The following MTA3 variants were observed in gnomAD, a reference collection of about 807,000 sequenced individuals.
MTA3 encodes metastasis-associated protein MTA3.
In MTA3, 34 loss-of-function variants were observed where a neutral mutation model predicts 83.5. The observed-to-expected ratio is 0.41, with a 90% CI of 0.31 to 0.54. The LOEUF (loss-of-function observed/expected upper bound fraction) is 0.54. Ranked by LOEUF, MTA3 falls within the 20% of genes least tolerant of loss-of-function variation. MTA3 has a pLI of 0.33. For missense variants in MTA3, 761 were observed against 726.4 expected, an observed-to-expected ratio of 1.05 and a Z score of -0.55; for synonymous variants, 303 against 252.7, an observed-to-expected ratio of 1.20 and a Z score of -1.89.
At chr2:42,544,366 A>C (rs1341482141) in intron 2 of MTA3, among the ~76,000 whole-genome samples, 1 of 151,858 alleles carries the variant, frequency 6.6e-6, no homozygotes, top group Non-Finnish European at 1.5e-5. Flanking sequence ...GAATCGCTCG[A>C]ACCCAGGAGG....
intron 2 of MTA3, among the ~76,000 whole-genome samples, chr2:42,545,501 A>C (rs1676721892): frequency 6.6e-6 from 1 of 152,150 alleles, no homozygotes; most frequent in South Asian, 2.1e-4. Context: ...GAGGGATGGA[A>C]GGGAGAGTGG....
At chr2:42,606,560 A>C in intron 3 of MTA3, among the ~76,000 whole-genome samples, 1 of 102,294 alleles carries the variant, frequency 9.8e-6, no homozygotes, top group East Asian at 3.2e-4. Context: ...CCTAGATGGG[A>C]TGGCGGCCGG....
At chr2:42,590,367 C>T (rs1197963902) in intron 3 of MTA3, among the ~76,000 whole-genome samples, 1 of 152,116 alleles carries the variant, frequency 6.6e-6, no homozygotes. Flanking sequence ...AAAGAACCAG[C>T]ACACCTCCAA....
intron 2 of MTA3, among the ~76,000 whole-genome samples, chr2:42,536,848 G>A (rs1420499820): frequency 1.1e-5 from 1 of 88,800 alleles, no homozygotes; most frequent in African/African-American, 5.3e-5. Context: ...AACAGAGTGA[G>A]ACCCCATCTC....
At chr2:42,653,497 A>G (rs747824169) in intron 6 of MTA3, among the ~76,000 whole-genome samples, 4 of 152,204 alleles carry the variant, frequency 2.6e-5, no homozygotes, top group Non-Finnish European at 4.4e-5. Context: ...GAAGTGATCA[A>G]ACTGATATGA....
At chr2:42,722,537 C>A (rs1171028991) in intron 15 of MTA3, among the ~76,000 whole-genome samples, 1 of 152,182 alleles carries the variant, frequency 6.6e-6, no homozygotes, top group African/African-American at 2.4e-5. Context: ...CCCAAGGCTA[C>A]CTCTCCAGAT....
intron 4 of MTA3, among the ~76,000 whole-genome samples, chr2:42,612,055 G>T (rs1216996458): frequency 6.6e-6 from 1 of 152,110 alleles, no homozygotes; most frequent in Non-Finnish European, 1.5e-5. Flanking sequence ...GGAAAAGACA[G>T]TTAGGCCGGG....
intron 3 of MTA3, among the ~76,000 whole-genome samples, chr2:42,594,738 T>A (rs1378062744): frequency 5.3e-5 from 2 of 37,874 alleles, no homozygotes; most frequent in Non-Finnish European, 9.9e-5. Flanking sequence ...ATTTTTTTTT[T>A]TTTTTTGAGA....
At chr2:42,607,905 T>G (rs1049924625) in intron 3 of MTA3, among the ~76,000 whole-genome samples, 12 of 152,196 alleles carry the variant, frequency 7.9e-5, no homozygotes, top group African/African-American at 2.9e-4. Flanking sequence ...GAGCCGAGAT[T>G]GTGCTACTGC....
At position 42,756,366 on chromosome 2, in the gene MTA3, TGAAACCCAGTTG is replaced by T; in HGVS notation, c.*2971_*2982del. ...GAGTCCTGCAGGTGCCTCACAGTAGTGAAACCCAGTTGGAAGCAGCTGCCCTGGGAGCCTGGG... is the reference window on the plus strand; with the variant it reads ...GAGTCCTGCAGGTGCCTCACAGTAGTGAAGCAGCTGCCCTGGGAGCCTGGG... On this transcript the variant is annotated 3_prime_UTR_variant, in exon 17 of 17. Transcript: ENST00000405094. 1.3e-6 allele frequency: 1 copy of T among 757,096 alleles called. No homozygotes were observed. The highest frequency in any genetic ancestry group is 1.6e-6 in the Non-Finnish European group (1 of 621,330). 46.9% of individuals were successfully genotyped at this position (757,096 alleles called of 1,614,324 possible). A position where few individuals can be genotyped will look rare whatever the true frequency, so the allele number is the denominator to read the frequency against.
intron 2 of MTA3, among the ~76,000 whole-genome samples, chr2:42,514,691 T>TTTTTTTTTTTTTTTTC (rs1675059787): frequency 7.8e-6 from 1 of 127,934 alleles, no homozygotes; most frequent in East Asian, 2.2e-4. Flanking sequence ...CCTTTTTTTT[T>TTTTTTTTTTTTTTTTC]TTTTTTTTTT....
intron 2 of MTA3, among the ~76,000 whole-genome samples, chr2:42,552,579 GCAC>G (rs1454314783): frequency 6.7e-6 from 1 of 149,098 alleles, no homozygotes; most frequent in East Asian, 2.0e-4. Flanking sequence ...CGCCCAGATG[GCAC>G]CACTGCACTA....
rs904303874 is a variant in MTA3 at position 42,704,202 on chromosome 2, C to A, written c.1034C>A (p.Pro345Gln). The A allele has an allele frequency of 4.3e-6, 7 of 1,613,560 alleles. No individual in the cohort carries two copies. Among genetic ancestry groups the A allele is most frequent in the African/African-American group, 1.3e-5 (1 of 74,882 alleles). ...KQVYIPTYSK[P>Q]NPNQISTSNG... ...TTTAATTTCATTGAAAGCAGCAAAC[C>A]AAATCCCAACCAAATATCCACTAGT... The change falls in exon 12 of 17, where the codon CCA (proline) becomes CAA (glutamine). Residue 345 changes from proline (P) to glutamine (Q), a missense_variant. Pro to Gln is a moderately conservative substitution (Grantham distance 76). Coordinates refer to ENST00000405094, the MANE Select transcript of MTA3 (RefSeq NM_001330442.2).
chr2:42,503,841 C>A (rs554884089), intron 2 of MTA3, among the ~76,000 whole-genome samples: 1 of 151,318 alleles, frequency 6.6e-6, no homozygotes, highest in South Asian at 2.1e-4. Flanking sequence ...AAGCCCCCAT[C>A]ATTTAAACAA....
intron 3 of MTA3, among the ~76,000 whole-genome samples, chr2:42,602,620 A>G (rs963437052): frequency 5.3e-5 from 8 of 152,290 alleles, no homozygotes; most frequent in Admixed American, 3.9e-4. Context: ...TTTGGGTAAT[A>G]TGAGGGCTAG....
In MTA3 at chr2:42,510,686, G is replaced by A. The variant is rs111820936; in HGVS notation, c.-141+15432G>A. ...AAATGTAGAGGGCTGTTGCCCTGGGGGTAGATTGACATCCCTGATATCCAA... is the reference window on the plus strand; with the variant it reads ...AAATGTAGAGGGCTGTTGCCCTGGGAGTAGATTGACATCCCTGATATCCAA... On this transcript the variant is annotated intron_variant, in intron 2 of 17. Transcript: ENST00000405592. Among the ~76,000 whole-genome samples the A allele has an allele frequency of 1.6e-3, 244 of 152,290 alleles. 2 individuals carry two copies. The highest frequency in any genetic ancestry group is 2.1e-3 in the Admixed American group (32 of 15,288).
At chr2:42,505,171 A>G (rs1674576111) in intron 2 of MTA3, among the ~76,000 whole-genome samples, 1 of 152,104 alleles carries the variant, frequency 6.6e-6, no homozygotes, top group Non-Finnish European at 1.5e-5. Flanking sequence ...AGGTGGGTGG[A>G]TCACGAGGTC....
At chr2:42,563,209 C>A (rs183283010) in intron 2 of MTA3, among the ~76,000 whole-genome samples, 1 of 152,200 alleles carries the variant, frequency 6.6e-6, no homozygotes, top group Non-Finnish European at 1.5e-5. Context: ...CTGTAACATT[C>A]CTTCAACACT....
At chr2:42,673,369 A>G (rs1002237457) in intron 8 of MTA3, among the ~76,000 whole-genome samples, 3 of 152,208 alleles carry the variant, frequency 2.0e-5, no homozygotes, top group African/African-American at 7.2e-5. Flanking sequence ...AGGATGTTCA[A>G]CTTAACAATT....
Sources: gnomAD v4.1 joint callset for allele counts (sites outside exome capture counted in the v4.1 genomes callset) on GRCh38, gnomAD v4.1.1 for gene constraint, MANE v1.5 for transcripts, NCBI Gene and HGNC (gene_info 2026-07-23, HGNC 2026-07-21) for gene names.